Variants in C1QTNF5 observed in about 807,000 individuals in gnomAD.
The protein encoded by C1QTNF5 is complement C1q tumor necrosis factor-related protein 5.
In C1QTNF5, 5 loss-of-function variants were observed where a neutral mutation model predicts 10.9. That is an observed-to-expected ratio of 0.46 (90% CI 0.24 to 0.97). The LOEUF is 0.97. C1QTNF5 is among the 50% of genes least tolerant of loss of function. The pLI is 0.19. For missense variants in C1QTNF5, 281 were observed against 339.4 expected (o/e 0.83, Z 1.35); for synonymous variants, 161 against 156.5 (o/e 1.03, Z -0.22).
upstream of C1QTNF5, among the ~76,000 whole-genome samples, chr11:119,342,241 C>T (rs548046656): frequency 3.9e-5 from 6 of 152,322 alleles, no homozygotes; most frequent in East Asian, 9.6e-4. Context: ...GGGGCACCCG[C>T]GTTTGCAGGG....
upstream of C1QTNF5, chr11:119,341,332 C>A: frequency 1.7e-6 from 1 of 591,380 alleles, no homozygotes; most frequent in Non-Finnish European, 3.0e-6. Context: ...AGTGTGGGGC[C>A]AGTCAGCAGC....
chr11:119,342,582 G>T, upstream of C1QTNF5: 6 of 1,612,774 alleles, frequency 3.7e-6, no homozygotes, highest in Non-Finnish European at 5.1e-6. Context: ...GGTCCCCAGG[G>T]GCAGGCTTCT....
upstream of C1QTNF5, chr11:119,342,898 G>A (rs371946990): frequency 4.5e-5 from 73 of 1,612,938 alleles, no homozygotes; most frequent in Non-Finnish European, 6.1e-5. Flanking sequence ...AGGCCAGGTA[G>A]GTGGCTGAGA....
chr11:119,341,596 G>A, upstream of C1QTNF5: 1 of 1,612,976 alleles, frequency 6.2e-7, no homozygotes, highest in Non-Finnish European at 8.5e-7. Flanking sequence ...GCAGCCTGTT[G>A]CAGTTGAAGG....
the C1QTNF5 span, chr11:119,346,387 G>C: frequency 3.1e-6 from 5 of 1,612,602 alleles, no homozygotes; most frequent in Non-Finnish European, 4.2e-6. Context: ...GGAAGGGGGA[G>C]ATACTTGAGG....
At chr11:119,342,082 C>T (rs904572839), upstream of C1QTNF5, 1 of 1,467,546 alleles carries the variant, frequency 6.8e-7, no homozygotes, top group Non-Finnish European at 9.4e-7. Flanking sequence ...GTACATGGGT[C>T]CAATGGGGGT....
At chr11:119,346,197 G>A in the C1QTNF5 span, 4 of 1,568,206 alleles carry the variant, frequency 2.6e-6, no homozygotes, top group African/African-American at 2.7e-5. Flanking sequence ...AGCCCCTTCT[G>A]TTGGGTATTC....
intron 1 of C1QTNF5, 25 bp from the exon 2 acceptor site, chr11:119,340,465 C>A: frequency 1.3e-6 from 2 of 1,485,734 alleles, no homozygotes; most frequent in South Asian, 1.2e-5. Context: ...GGACTGGAGT[C>A]GGGACCCAGA....
intron 1 of C1QTNF5, 75 bp from the exon 2 acceptor site, chr11:119,340,515 A>G: frequency 8.7e-7 from 1 of 1,145,714 alleles, no homozygotes; most frequent in Non-Finnish European, 1.2e-6. Flanking sequence ...GGCGCGGCCC[A>G]GTCGGTCCCC....
chr11:119,341,814 C>T, upstream of C1QTNF5: 1 of 1,613,552 alleles, frequency 6.2e-7, no homozygotes, highest in Non-Finnish European at 8.5e-7. Flanking sequence ...CTCCCAGGCT[C>T]CTCCCCTCCC....
In C1QTNF5 at chr11:119,340,722, C is replaced by A; in HGVS notation, c.-71G>T. 2.6e-6 allele frequency: 1 copy of A among 387,814 alleles called. No individual in the cohort carries two copies. 24.0% of individuals were successfully genotyped at this position (387,814 alleles called of 1,614,324 possible). A position where few individuals can be genotyped will look rare whatever the true frequency, so the allele number is the denominator to read the frequency against. ...CCCCTCCCGGCTCCCCGATGGCCTC[C>A]TTCGGGGCGCTCGCTACTCCGGACC... is the stretch of plus-strand genomic sequence containing the variant. On this transcript the variant is annotated 5_prime_UTR_variant, in exon 1 of 3. The change creates a new upstream start codon in the 5' untranslated region. Coordinates refer to ENST00000528368, the MANE Select transcript of C1QTNF5 (RefSeq NM_001278431.2).
chr11:119,339,574 G>C lies in C1QTNF5; in HGVS notation c.489C>G (p.Ser163Arg), dbSNP rs111033578. 12 of 1,613,522 alleles carry C rather than the reference G, an allele frequency of 7.4e-6. No homozygotes were observed. Among genetic ancestry groups the C allele is most frequent in the Non-Finnish European group, 1.0e-5 (12 of 1,180,044 alleles). ...CATTCTTCACCAGATCAAACTGCAG[G>C]CTGGCCCGGTAGACGGTGGCATGGA... is the stretch of plus-strand genomic sequence containing the variant. ...FAVHATVYRA[S>R]LQFDLVKNGE... Residue 163 changes from serine (S) to arginine (R), a missense_variant, in exon 3 of 3, where the codon AGC (serine) becomes AGG (arginine). Physicochemically the swap from Ser to Arg is moderately radical, Grantham distance 110 (BLOSUM62 -1). Coordinates refer to ENST00000528368, the MANE Select transcript of C1QTNF5 (RefSeq NM_001278431.2). The surrounding 1 kb of genome is among the most constrained non-coding windows in gnomAD (Gnocchi z 5.4).
upstream of C1QTNF5, chr11:119,341,844 C>T: frequency 6.2e-7 from 1 of 1,613,814 alleles, no homozygotes; most frequent in Non-Finnish European, 8.5e-7. Context: ...CTCCTTCCCT[C>T]CACCCAGAAG....
upstream of C1QTNF5, chr11:119,344,913 C>G: frequency 6.2e-7 from 1 of 1,612,168 alleles, no homozygotes; most frequent in Non-Finnish European, 8.5e-7. Flanking sequence ...GCATGGAAAC[C>G]AAATCCTTCC....
chr11:119,339,101 C>T lies in C1QTNF5; in HGVS notation c.*230G>A. 1.7e-6 allele frequency: 1 copy of T among 573,298 alleles called. No individual in the cohort carries two copies. The highest frequency in any genetic ancestry group is 3.1e-6 in the Non-Finnish European group (1 of 326,074). The allele number at this position is 573,298 out of a possible 1,614,324, so 35.5% of individuals were successfully genotyped here. ...GGGGGACTTACACTTGCCAGCACAG[C>T]ACACTCCTCTGGTCTTGGGCAGAAA... is the stretch of plus-strand genomic sequence containing the variant. On this transcript the variant is annotated 3_prime_UTR_variant, in exon 3 of 3. Transcript: ENST00000528368. This position sits in a 1 kb window ranked among gnomAD's most constrained non-coding sequence, Gnocchi z 5.4.
chr11:119,345,287 G>T, upstream of C1QTNF5: 1 of 926,684 alleles, frequency 1.1e-6, no homozygotes, highest in Non-Finnish European at 1.7e-6. Context: ...GCAAGGTGGT[G>T]GCAGAGCTGG....
At chr11:119,343,681 T>A, upstream of C1QTNF5, 1 of 1,096,914 alleles carries the variant, frequency 9.1e-7, no homozygotes, top group South Asian at 1.3e-5. Context: ...TTTAGGGTGA[T>A]GGTGAAGAGA....
chr11:119,345,343 C>G, upstream of C1QTNF5: 1 of 1,461,852 alleles, frequency 6.8e-7, no homozygotes. Flanking sequence ...TAGCCCTTCT[C>G]CCTGCCACTC....
At chr11:119,341,548 TCAGGGCTGGG>T, upstream of C1QTNF5, 1 of 1,611,884 alleles carries the variant, frequency 6.2e-7, no homozygotes, top group Non-Finnish European at 8.5e-7. Flanking sequence ...GGCTTCAGGG[TCAGGGCTGGG>T]CACAAGCTTC....
Sources: allele counts gnomAD v4.1 joint callset (sites outside exome capture counted in the v4.1 genomes callset), GRCh38; gene constraint gnomAD v4.1.1; non-coding constraint Gnocchi (gnomAD v3.1); transcripts MANE v1.5; gene names NCBI Gene and HGNC (gene_info 2026-07-23, HGNC 2026-07-21).